Variants in DAPK1 observed in about 807,000 individuals in gnomAD.
DAPK1 encodes death associated protein kinase 1.
Under a neutral mutation model 144.9 loss-of-function variants are expected in DAPK1, and 56 were observed. The observed-to-expected ratio is 0.39, with a 90% confidence interval of 0.31 to 0.48. DAPK1 has a LOEUF of 0.48. DAPK1 is among the 20% of genes least tolerant of loss of function. The pLI, the probability that DAPK1 is intolerant of heterozygous loss-of-function variation, is 0.95. For missense variants in DAPK1, 1,454 were observed against 1,875.4 expected (o/e 0.78, Z 4.15); for synonymous variants, 690 against 749.0 (o/e 0.92, Z 1.29).
intron 21 of DAPK1, among the ~76,000 whole-genome samples, chr9:87,689,243 G>A (rs1258735395): frequency 6.6e-6 from 1 of 152,122 alleles, no homozygotes; most frequent in East Asian, 1.9e-4. Context: ...TTGGGTGGCT[G>A]TAGGTGTGCA....
chr9:87,676,275 C>T (rs1238292782), intron 19 of DAPK1, among the ~76,000 whole-genome samples: 3 of 152,236 alleles, frequency 2.0e-5, no homozygotes, highest in Non-Finnish European at 4.4e-5. Context: ...CTACTGAACT[C>T]CCCCTCCAAA....
At chr9:87,619,208 G>A (rs926392869) in intron 3 of DAPK1, among the ~76,000 whole-genome samples, 4 of 152,136 alleles carry the variant, frequency 2.6e-5, no homozygotes, top group African/African-American at 9.7e-5. Flanking sequence ...AATTGTTTTT[G>A]TACTTGTGTT....
chr9:87,629,213 C>T (rs1217853409), intron 3 of DAPK1, among the ~76,000 whole-genome samples: 1 of 152,134 alleles, frequency 6.6e-6, no homozygotes, highest in Non-Finnish European at 1.5e-5. Flanking sequence ...AGTGTGGATG[C>T]AGACACAGAC....
rs756538220 is a variant in DAPK1 at position 87,498,228 on chromosome 9, G to A, written c.-109+121G>A. The A allele has an allele frequency of 1.2e-4, 46 of 395,790 alleles. 1 individual carries two copies. The highest frequency in any genetic ancestry group is 3.5e-4 in the Admixed American group (8 of 22,638). The allele number at this position is 395,790 out of a possible 1,614,324, so 24.5% of individuals were successfully genotyped here. ...CTCGAGCAACTGGGAAGGCCAAGGC[G>A]GAGGGAAACTTGGCTTCGGGGAGAA... On this transcript the variant is annotated intron_variant, in intron 1 of 25. Transcript: ENST00000408954.
intron 2 of DAPK1, among the ~76,000 whole-genome samples, chr9:87,529,064 A>T (rs956295629): frequency 2.0e-5 from 3 of 152,166 alleles, no homozygotes; most frequent in Non-Finnish European, 4.4e-5. Context: ...GCTACTAAGC[A>T]TGCAGACAGC....
intron 3 of DAPK1, among the ~76,000 whole-genome samples, chr9:87,606,119 A>T (rs1384720219): frequency 1.3e-5 from 2 of 152,158 alleles, no homozygotes; most frequent in Non-Finnish European, 2.9e-5. Context: ...CTTCTTTGCG[A>T]TCCAACGGCC....
chr9:87,605,151 C>G lies in DAPK1; in HGVS notation c.260C>G (p.Thr87Arg). Residue 87 changes from threonine (T) to arginine (R), a missense_variant, in exon 3 of 26, where the codon ACG becomes AGG. Around this residue, in one of 2 missense-constraint regions of DAPK1, gnomAD observed 429 missense variants for 637.5 expected, o/e 0.67. Transcript: ENST00000408954. ...CTGCACGAGGTCTATGAGAACAAGA[C>G]GGACGTCATCCTGATCTTGGAACTG... is the stretch of plus-strand genomic sequence containing the variant. ...ITLHEVYENKTDVILILELVA... is the reference protein window; with the variant it reads ...ITLHEVYENKRDVILILELVA... 6.2e-7 allele frequency: 1 copy of G among 1,614,000 alleles called. No individual in the cohort carries two copies. Among genetic ancestry groups the G allele is most frequent in the Admixed American group, 1.7e-5 (1 of 60,032 alleles).
intron 21 of DAPK1, among the ~76,000 whole-genome samples, chr9:87,688,003 C>T (rs1466208184): frequency 6.6e-6 from 1 of 152,032 alleles, no homozygotes; most frequent in Non-Finnish European, 1.5e-5. Context: ...TCTTTTTCAA[C>T]TTGTATTTTA....
intron 1 of DAPK1, chr9:87,498,599 C>G (rs993940270): frequency 3.4e-6 from 1 of 292,850 alleles, no homozygotes; most frequent in African/African-American, 2.2e-5. Context: ...CGCGTACCGT[C>G]TGGGCGAGGG....
chr9:87,660,127 A>G (rs3128472), intron 18 of DAPK1, among the ~76,000 whole-genome samples: 93,920 of 152,032 alleles, frequency 0.62, 30,357 homozygotes, highest in African/African-American at 0.8. Context: ...TCAGGACCGG[A>G]GCTCAGCGGC....
intron 3 of DAPK1, among the ~76,000 whole-genome samples, chr9:87,617,402 C>A (rs535092701): frequency 6.6e-6 from 1 of 152,300 alleles, no homozygotes; most frequent in Admixed American, 6.5e-5. Flanking sequence ...TCTTCTACCC[C>A]TTGGGTGCCA....
intron 9 of DAPK1, among the ~76,000 whole-genome samples, chr9:87,641,090 A>G (rs920996148): frequency 2.0e-5 from 3 of 152,202 alleles, no homozygotes; most frequent in South Asian, 4.1e-4. Flanking sequence ...CCACTCGACA[A>G]CTGTGTTTGG....
At position 87,571,485 on chromosome 9, in the gene DAPK1, A is replaced by C. The variant is rs1564000955; in HGVS notation, c.63-33469A>C. ...CACACACACACACACCAACACACAC[A>C]CACACACACCCCAACACACACACAC... On this transcript the variant is annotated intron_variant, in intron 2 of 25. Coordinates refer to ENST00000408954, the MANE Select transcript of DAPK1 (RefSeq NM_004938.4). Among the ~76,000 whole-genome samples the C allele has an allele frequency of 6.6e-3, 396 of 59,578 alleles. 48 individuals carry two copies. The highest frequency in any genetic ancestry group is 0.032 in the African/African-American group (369 of 11,490). 39.1% of individuals were successfully genotyped at this position (59,578 alleles called of 152,430 possible).
At chr9:87,627,123 A>G (rs895138890) in intron 3 of DAPK1, among the ~76,000 whole-genome samples, 1 of 152,102 alleles carries the variant, frequency 6.6e-6, no homozygotes, top group African/African-American at 2.4e-5. Flanking sequence ...TTCCTCAGCA[A>G]GTTCAGACCC....
rs1827347173 is a variant in DAPK1, at chr9:87,571,487, A to ACCCC, written c.63-33466_63-33465insCCCC. Among the ~76,000 whole-genome samples the ACCCC allele has an allele frequency of 1.4e-4, 8 of 55,748 alleles. 2 individuals carry two copies. The highest frequency in any genetic ancestry group is 3.7e-4 in the African/African-American group (4 of 10,726). The allele number at this position is 55,748 out of a possible 152,430, so 36.6% of individuals were successfully genotyped here. ...CACACACACACACCAACACACACACACACACACCCCAACACACACACACAC... is the reference window on the plus strand; with the variant it reads ...CACACACACACACCAACACACACACACCCCCACACACCCCAACACACACACACAC... On this transcript the variant is annotated intron_variant, in intron 2 of 25. Coordinates refer to ENST00000408954, the MANE Select transcript of DAPK1 (RefSeq NM_004938.4).
chr9:87,525,253 C>T (rs1825452885), intron 2 of DAPK1: 22 of 1,376,054 alleles, frequency 1.6e-5, no homozygotes, highest in Non-Finnish European at 2.1e-5. Context: ...CTAAAAAATG[C>T]GTTGAATAGA....
chr9:87,688,030 T>G (rs1301078320), intron 21 of DAPK1, among the ~76,000 whole-genome samples: 1 of 152,214 alleles, frequency 6.6e-6, no homozygotes, highest in East Asian at 1.9e-4. Context: ...GGGGTCCCTG[T>G]GCAGATTTGT....
chr9:87,627,118 C>T (rs1394783884), intron 3 of DAPK1, among the ~76,000 whole-genome samples: 1 of 152,158 alleles, frequency 6.6e-6, no homozygotes, highest in East Asian at 1.9e-4. Context: ...CTATCTTCCT[C>T]AGCAAGTTCA....
intron 3 of DAPK1, chr9:87,633,122 G>T (rs1587791650): frequency 1.0e-6 from 1 of 981,196 alleles, no homozygotes; most frequent in Non-Finnish European, 1.2e-6. Context: ...TAGAAATAAA[G>T]AAAGATGAGT....
Sources: gnomAD v4.1 joint callset for allele counts (sites outside exome capture counted in the v4.1 genomes callset) on GRCh38, gnomAD v4.1.1 for gene constraint, gnomAD v4.1.1 regional missense constraint, MANE v1.5 for transcripts, NCBI Gene and HGNC (gene_info 2026-07-23, HGNC 2026-07-21) for gene names.